Variants in B4GALT2 observed in about 807,000 individuals in gnomAD.
B4GALT2 encodes N-acetyllactosamine synthase.
B4GALT2 carries 18 observed loss-of-function variants against 33.2 expected under a neutral mutation model. The observed-to-expected ratio is 0.54, with a 90% CI of 0.38 to 0.80. The LOEUF (loss-of-function observed/expected upper bound fraction) is 0.80, where lower values mean the gene tolerates loss of function less well. B4GALT2 is among the 30% of genes least tolerant of loss of function. B4GALT2 has a pLI of 0.00. For missense variants in B4GALT2, 404 were observed against 526.2 expected (o/e 0.77, Z 2.27); for synonymous variants, 214 against 217.6 (o/e 0.98, Z 0.15).
chr1:43,990,429 C>G lies in B4GALT2; in HGVS notation c.1100C>G (p.Ser367Trp). The change falls in exon 7 of 7, where the codon TCG becomes TGG. Residue 367 changes from serine (S) to tryptophan (W), a missense_variant. Physicochemically the swap from Ser to Trp is radical, Grantham distance 177. Coordinates refer to ENST00000372324, the MANE Select transcript of B4GALT2 (RefSeq NM_003780.5). ...ACAGTGGACATTGGGCGGCCTCCGTCGTGGCCCCCTCGGGGCTGACACTAA... is the reference window on the plus strand; with the variant it reads ...ACAGTGGACATTGGGCGGCCTCCGTGGTGGCCCCCTCGGGGCTGACACTAA... ...NITVDIGRPP[S>W]WPPRG The G allele has an allele frequency of 6.2e-7, 1 of 1,614,098 alleles. No homozygotes were observed. The highest frequency in any genetic ancestry group is 8.5e-7 in the Non-Finnish European group (1 of 1,180,010).
intron 3 of B4GALT2, among the ~76,000 whole-genome samples, chr1:43,983,796 G>A (rs768044688): frequency 7.9e-5 from 12 of 152,156 alleles, no homozygotes; most frequent in Non-Finnish European, 1.5e-4. Flanking sequence ...GGAGGAAAGC[G>A]ATGGTCTCTC....
intron 1 of B4GALT2, chr1:43,980,657 T>A: frequency 1.1e-6 from 1 of 927,910 alleles, no homozygotes; most frequent in Non-Finnish European, 1.3e-6. Flanking sequence ...CCCCAAGCCA[T>A]GAGTTCTGGG....
At chr1:43,989,320 CAAAAAAA>C (rs34161254) in intron 6 of B4GALT2, among the ~76,000 whole-genome samples, 1 of 118,194 alleles carries the variant, frequency 8.5e-6, no homozygotes. Flanking sequence ...TACTCTGTCT[CAAAAAAA>C]AAAAAAAAAA....
In B4GALT2 at chr1:43,984,259, C is replaced by T. The variant is rs1557651495; in HGVS notation, c.550-606C>T. Among the ~76,000 whole-genome samples, 1 of 152,212 alleles carries T rather than the reference C, an allele frequency of 6.6e-6. No homozygotes were observed. Among genetic ancestry groups the T allele is most frequent in the Non-Finnish European group, 1.5e-5 (1 of 68,030 alleles). On this transcript the variant is annotated intron_variant, in intron 3 of 6. Coordinates refer to ENST00000372324, the MANE Select transcript of B4GALT2 (RefSeq NM_003780.5). The surrounding 1 kb of genome is among the most constrained non-coding windows in gnomAD (Gnocchi z 5.6). ...GCTGCCCAGGCAGCCGGATGCAGCT[C>T]CAGGGAGCCTGAGGCTCCTGCATCT...
chr1:43,985,695 C>T (rs533319385), intron 6 of B4GALT2, 74 bp downstream of exon 6: 10 of 1,446,594 alleles, frequency 6.9e-6, no homozygotes, highest in Non-Finnish European at 9.7e-6. Flanking sequence ...CCCCAAGTGG[C>T]CCAATCCCTG....
rs938760785 is a variant in B4GALT2 at position 43,990,790 on chromosome 1, T to TC, written c.*349dup. On this transcript the variant is annotated 3_prime_UTR_variant, in exon 7 of 7. Transcript: ENST00000372324. ...CACTCCACCTCTCTGTGCCTCAGTT[T>TC]CCCCCCCTTGAGTCCCCTAGGGCCT... 53 of 293,186 alleles carry TC rather than the reference T, an allele frequency of 1.8e-4. No individual in the cohort carries two copies. Among genetic ancestry groups the TC allele is most frequent in the South Asian group, 8.8e-4 (18 of 20,566 alleles). 18.2% of individuals were successfully genotyped at this position (293,186 alleles called of 1,614,324 possible).
In B4GALT2 at chr1:43,981,401, G is replaced by A. The variant is rs1293765131; in HGVS notation, c.241G>A (p.Glu81Lys). 1.9e-6 allele frequency: 3 copies of A among 1,598,382 alleles called. No homozygotes were observed. The highest frequency in any genetic ancestry group is 1.1e-5 in the South Asian group (1 of 91,034). ...NATASSSGLPEVPSALPGPTA... is the reference protein window; with the variant it reads ...NATASSSGLPKVPSALPGPTA... Reference sequence around the variant, plus strand: ...CACCGCCTCTAGCTCCGGGCTCCCTGAGGTCCCCAGTGCCCTGCCCGGTCC... The same window carrying A: ...CACCGCCTCTAGCTCCGGGCTCCCTAAGGTCCCCAGTGCCCTGCCCGGTCC... The change falls in exon 2 of 7, where the codon GAG becomes AAG. Residue 81 changes from glutamate to lysine, a missense_variant. By Grantham distance (56) the Glu-to-Lys change is moderately conservative. Coordinates refer to ENST00000372324, the MANE Select transcript of B4GALT2 (RefSeq NM_003780.5). The surrounding 1 kb of genome is among the most constrained non-coding windows in gnomAD (Gnocchi z 8.1).
In B4GALT2 at chr1:43,986,766, G is replaced by A. The variant is rs146997440; in HGVS notation, c.968+1145G>A. On this transcript the variant is annotated intron_variant, in intron 6 of 6. Transcript: ENST00000372324. ...GGAAGAACCTGAAGAAGGGAGAGGC[G>A]GGGTGGGGTTTGTGTTTAGAAGGCA... 6.3e-4 allele frequency among the ~76,000 whole-genome samples: 96 copies of A among 152,306 alleles called. 3 individuals carry two copies. Among genetic ancestry groups the A allele is most frequent in the Admixed American group, 5.9e-4 (9 of 15,296 alleles).
rs2231285 is a variant in B4GALT2, at chr1:43,990,442, G to A, written c.1113G>A (p.Arg371=). ...GGCGGCCTCCGTCGTGGCCCCCTCG[G>A]GGCTGACACTAATGGACAGAGGCTC... ...DIGRPPSWPP[R]G The change falls in exon 7 of 7, where the codon CGG becomes CGA. Residue 371 remains arginine, a synonymous_variant. Transcript: ENST00000372324. 6.1e-5 allele frequency: 99 copies of A among 1,614,116 alleles called. 3 individuals carry two copies. Among genetic ancestry groups the A allele is most frequent in the East Asian group, 4.5e-4 (20 of 44,880 alleles).
chr1:43,980,188 A>G (rs1435211723), intron 1 of B4GALT2: 13 of 939,322 alleles, frequency 1.4e-5, no homozygotes, highest in Non-Finnish European at 1.8e-5. Context: ...TGCTCCCTGA[A>G]GCACTGCCAG....
In B4GALT2 at chr1:43,981,423, G is replaced by C; in HGVS notation, c.263G>C (p.Gly88Ala). Residue 88 changes from glycine (G) to alanine (A), a missense_variant, in exon 2 of 7, where the codon GGT becomes GCT. Coordinates refer to ENST00000372324, the MANE Select transcript of B4GALT2 (RefSeq NM_003780.5). This position sits in a 1 kb window ranked among gnomAD's most constrained non-coding sequence, Gnocchi z 8.1. Reference protein sequence around the residue: ...GLPEVPSALPGPTAPTLPPCP... With the variant: ...GLPEVPSALPAPTAPTLPPCP... ...CCTGAGGTCCCCAGTGCCCTGCCCGGTCCCACGGCTCCCACGCTGCCACCC... is the reference window on the plus strand; with the variant it reads ...CCTGAGGTCCCCAGTGCCCTGCCCGCTCCCACGGCTCCCACGCTGCCACCC... 2 of 1,594,654 alleles carry C rather than the reference G, an allele frequency of 1.3e-6. No individual in the cohort carries two copies. Among genetic ancestry groups the C allele is most frequent in the African/African-American group, 2.7e-5 (2 of 74,980 alleles).
At chr1:43,989,776 T>G (rs2085704188) in intron 6 of B4GALT2, among the ~76,000 whole-genome samples, 1 of 152,214 alleles carries the variant, frequency 6.6e-6, no homozygotes, top group Admixed American at 6.5e-5. Flanking sequence ...AAGCTATAAT[T>G]ATGGCTTGTG....
In B4GALT2 at chr1:43,990,616, TG is replaced by T. The variant is rs894617642; in HGVS notation, c.*174del. 4.2e-6 allele frequency: 4 copies of T among 962,912 alleles called. No homozygotes were observed. The Admixed American group carries it at 8.4e-5, about 20-fold the overall frequency. The allele number at this position is 962,912 out of a possible 1,614,324, so 59.6% of individuals were successfully genotyped here. A position where few individuals can be genotyped will look rare whatever the true frequency, so the allele number is the denominator to read the frequency against. ...CACCTGGAAGTTTCAGAACCCACTT[TG>T]GGGGGCCTCCTGCCTGGGCAGGCTC... is the stretch of plus-strand genomic sequence containing the variant. On this transcript the variant is annotated 3_prime_UTR_variant, in exon 7 of 7. Transcript: ENST00000372324.
chr1:43,989,899 T>C (rs968037719), intron 6 of B4GALT2, among the ~76,000 whole-genome samples: 2 of 152,252 alleles, frequency 1.3e-5, no homozygotes, highest in African/African-American at 4.8e-5. Flanking sequence ...TCAAGTCCTG[T>C]ACTTGTTTAG....
In B4GALT2 at chr1:43,981,689, T is replaced by C. The variant is rs749160922; in HGVS notation, c.314T>C (p.Val105Ala). The C allele has an allele frequency of 5.0e-6, 8 of 1,606,452 alleles. No individual in the cohort carries two copies. The highest frequency in any genetic ancestry group is 3.4e-5 in the Admixed American group (2 of 59,698). The change falls in exon 3 of 7, where the codon GTG becomes GCG. Residue 105 changes from valine to alanine, a missense_variant and splice_region_variant. Physicochemically the swap from Val to Ala is moderately conservative, Grantham distance 64 (BLOSUM62 0). Transcript: ENST00000372324. This position sits in a 1 kb window ranked among gnomAD's most constrained non-coding sequence, Gnocchi z 8.1. ...ATTCCTGACACTGTCCTGTCTGCAG[T>C]GGGCAGACTGCTGATCGAGTTCACC... ...PPCPDSPPGL[V>A]GRLLIEFTSP...
In B4GALT2 at chr1:43,985,266, C is replaced by G. The variant is rs1386737214; in HGVS notation, c.741-12C>G. On this transcript the variant is annotated splice_polypyrimidine_tract_variant and intron_variant, in intron 4 of 6. Coordinates refer to ENST00000372324, the MANE Select transcript of B4GALT2 (RefSeq NM_003780.5). ...TGGGACCCTTACTGACACCTGCCTT[C>G]CCATGCCACAGGCTTCCCTATGCTG... The G allele has an allele frequency of 6.2e-7, 1 of 1,606,738 alleles. No homozygotes were observed. Among genetic ancestry groups the G allele is most frequent in the Admixed American group, 1.7e-5 (1 of 59,424 alleles).
At chr1:43,987,935 C>CAT (rs1479499909) in intron 6 of B4GALT2, among the ~76,000 whole-genome samples, 1 of 152,204 alleles carries the variant, frequency 6.6e-6, no homozygotes, top group Non-Finnish European at 1.5e-5. Context: ...CTCAGTGTCA[C>CAT]ATATGCCCTC....
At chr1:43,986,791 A>G (rs575570123) in intron 6 of B4GALT2, among the ~76,000 whole-genome samples, 2 of 152,168 alleles carry the variant, frequency 1.3e-5, no homozygotes, top group Non-Finnish European at 2.9e-5. Flanking sequence ...TTTAGAAGGC[A>G]CACTGTTTGA....
Position 43,981,194 on chromosome 1 carries a change from G to T in B4GALT2, c.34G>T (p.Val12Phe). 1.2e-6 allele frequency: 2 copies of T among 1,601,628 alleles called. No individual in the cohort carries two copies. Among genetic ancestry groups the T allele is most frequent in the Non-Finnish European group, 8.5e-7 (1 of 1,179,830 alleles). The stretch of plus-strand genomic sequence containing the variant: ...ACTGCTGGGGGGGACGCTGGAGCGC[G>T]TCTGCAAGGCTGTGCTCCTTCTCTG... ...SRLLGGTLER[V>F]CKAVLLLCLL... The change falls in exon 2 of 7, where the codon GTC (valine) becomes TTC (phenylalanine). Residue 12 changes from valine (V) to phenylalanine (F), a missense_variant. Val to Phe is a conservative substitution (Grantham distance 50). Transcript: ENST00000372324. The surrounding 1 kb of genome is among the most constrained non-coding windows in gnomAD (Gnocchi z 8.1).
Sources: allele counts gnomAD v4.1 joint callset (sites outside exome capture counted in the v4.1 genomes callset), GRCh38; gene constraint gnomAD v4.1.1; non-coding constraint Gnocchi (gnomAD v3.1); transcripts MANE v1.5; gene names NCBI Gene and HGNC (gene_info 2026-07-23, HGNC 2026-07-21).